GALNT13: variants seen among roughly 807,000 people sequenced by gnomAD.
GALNT13 encodes the protein UDP-GalNAc:polypeptide N-acetylgalactosaminyltransferase 13.
GALNT13 carries 28 observed loss-of-function variants against 64.2 expected under a neutral mutation model. The observed-to-expected ratio is 0.44, with a 90% CI of 0.32 to 0.60. The LOEUF is 0.60. Among genes scored for constraint, GALNT13 ranks in the 20% least tolerant of loss-of-function variants. The pLI, the probability that GALNT13 is intolerant of heterozygous loss-of-function variation, is 0.05. For synonymous variants in GALNT13, 214 were observed against 224.6 expected (o/e 0.95, Z 0.42); for missense variants, 577 against 669.8 (o/e 0.86, Z 1.53).
chr2:154,195,407 T>C (rs918113661), intron 4 of GALNT13, among the ~76,000 whole-genome samples: 3 of 152,148 alleles, frequency 2.0e-5, no homozygotes, highest in Non-Finnish European at 2.9e-5. Context: ...CTCTTTCTTT[T>C]AGACATGATT....
chr2:154,394,034 C>T lies in GALNT13; in HGVS notation c.1157-1957C>T, dbSNP rs375879358. Reference sequence around the variant, plus strand: ...CGGAGCTTGCAGTGAGCCGAGATTGCGCCACTGCACTCCAGCCTGGGCGAC... The same window carrying T: ...CGGAGCTTGCAGTGAGCCGAGATTGTGCCACTGCACTCCAGCCTGGGCGAC... On this transcript the variant is annotated intron_variant, in intron 9 of 12. Transcript: ENST00000392825. Among the ~76,000 whole-genome samples, 533 of 132,218 alleles carry T rather than the reference C, an allele frequency of 4.0e-3. 8 individuals are homozygous for T. The South Asian group carries it at 0.043, about 11-fold the overall frequency. The allele number at this position is 132,218 out of a possible 152,430, so 86.7% of individuals were successfully genotyped here. A position where few individuals can be genotyped will look rare whatever the true frequency, so the allele number is the denominator to read the frequency against.
At chr2:153,662,402 T>TGCACCAAGGGATGGAG in the GALNT13 span, among the ~76,000 whole-genome samples, 1 of 152,268 alleles carries the variant, frequency 6.6e-6, no homozygotes, top group Admixed American at 6.5e-5. Context: ...TGGTGCACAT[T>TGCACCAAGGGATGGAG]AATCCCAGTA....
chr2:153,562,020 C>G, the GALNT13 span, among the ~76,000 whole-genome samples: 1 of 141,428 alleles, frequency 7.1e-6, no homozygotes, highest in African/African-American at 2.7e-5. Context: ...TACCATTCTC[C>G]CTCCCTCTCC....
chr2:153,636,935 G>A, the GALNT13 span, among the ~76,000 whole-genome samples: 1 of 152,022 alleles, frequency 6.6e-6, no homozygotes, highest in Admixed American at 6.6e-5. Flanking sequence ...CTGTGAAGAG[G>A]TGCTCTGTAT....
the GALNT13 span, among the ~76,000 whole-genome samples, chr2:153,419,566 A>C: frequency 6.6e-6 from 1 of 152,208 alleles, no homozygotes; most frequent in Non-Finnish European, 1.5e-5. Flanking sequence ...GGGTGTGAAC[A>C]ATGAAAGGAG....
At chr2:153,505,716 G>A in the GALNT13 span, among the ~76,000 whole-genome samples, 1 of 152,108 alleles carries the variant, frequency 6.6e-6, no homozygotes, top group Admixed American at 6.6e-5. Flanking sequence ...TGTGGTCTGA[G>A]AGAGTACTTG....
chr2:153,639,672 C>T, the GALNT13 span, among the ~76,000 whole-genome samples: 3 of 152,180 alleles, frequency 2.0e-5, 1 homozygote, highest in Admixed American at 2.0e-4. Flanking sequence ...GAAAAACTCA[C>T]GATGGAGGAG....
At chr2:154,403,192 G>A (rs1239670714) in intron 10 of GALNT13, among the ~76,000 whole-genome samples, 1 of 152,042 alleles carries the variant, frequency 6.6e-6, no homozygotes, top group African/African-American at 2.4e-5. Flanking sequence ...GGTGGTTTAC[G>A]CCTGTAACCT....
At chr2:153,609,177 C>G in the GALNT13 span, among the ~76,000 whole-genome samples, 1 of 118,984 alleles carries the variant, frequency 8.4e-6, no homozygotes, top group Non-Finnish European at 1.8e-5. Flanking sequence ...TGTGAGCCTG[C>G]CTCAGCCCCC....
chr2:153,721,078 A>T, the GALNT13 span, among the ~76,000 whole-genome samples: 1,866 of 148,566 alleles, frequency 0.013, 20 homozygotes, highest in East Asian at 0.1. Flanking sequence ...CGGGTTACCC[A>T]CAAAGGGAAG....
the GALNT13 span, among the ~76,000 whole-genome samples, chr2:153,615,728 T>G: frequency 6.6e-6 from 1 of 152,246 alleles, no homozygotes; most frequent in East Asian, 1.9e-4. Context: ...CTTTTAAATC[T>G]TTTAAATCGA....
At chr2:154,049,554 C>A (rs1014239551) in intron 3 of GALNT13, among the ~76,000 whole-genome samples, 1 of 148,156 alleles carries the variant, frequency 6.7e-6, no homozygotes, top group African/African-American at 2.5e-5. Flanking sequence ...GTGTTAAAGT[C>A]AAGAAGCATG....
chr2:153,844,951 T>C, the GALNT13 span, among the ~76,000 whole-genome samples: 1 of 152,212 alleles, frequency 6.6e-6, no homozygotes, highest in South Asian at 2.1e-4. Flanking sequence ...TCCTCATTTC[T>C]ATCTGAGATC....
At chr2:153,186,895 A>AT in the GALNT13 span, among the ~76,000 whole-genome samples, 1 of 152,050 alleles carries the variant, frequency 6.6e-6, no homozygotes. Flanking sequence ...GGCAGGTAAC[A>AT]TTTTTTTCTT....
At chr2:153,070,917 G>A in the GALNT13 span, among the ~76,000 whole-genome samples, 3 of 152,246 alleles carry the variant, frequency 2.0e-5, no homozygotes, top group East Asian at 5.8e-4. Context: ...GAATCTTAAA[G>A]GCAATGTGAA....
chr2:153,776,325 G>A, the GALNT13 span, among the ~76,000 whole-genome samples: 1 of 152,178 alleles, frequency 6.6e-6, no homozygotes, highest in African/African-American at 2.4e-5. Context: ...AGTTGGTTGT[G>A]AATACAACTG....
the GALNT13 span, among the ~76,000 whole-genome samples, chr2:153,708,664 T>C: frequency 1.3e-5 from 2 of 152,158 alleles, no homozygotes; most frequent in African/African-American, 4.8e-5. Flanking sequence ...TTTATCTATT[T>C]GTATTTAACA....
chr2:153,422,424 G>A, the GALNT13 span, among the ~76,000 whole-genome samples: 1 of 152,110 alleles, frequency 6.6e-6, no homozygotes, highest in African/African-American at 2.4e-5. Context: ...TCAGTTCAAG[G>A]GGTACATGGT....
chr2:154,378,556 T>C (rs1010682001), intron 9 of GALNT13, among the ~76,000 whole-genome samples: 2 of 152,180 alleles, frequency 1.3e-5, no homozygotes, highest in African/African-American at 2.4e-5. Context: ...AGACCGCAGA[T>C]TGGTTGCAAC....
Sources: allele counts gnomAD v4.1 joint callset (sites outside exome capture counted in the v4.1 genomes callset), GRCh38; gene constraint gnomAD v4.1.1; transcripts MANE v1.5; gene names NCBI Gene and HGNC (gene_info 2026-07-23, HGNC 2026-07-21).